WASHC2C: variants seen among roughly 807,000 people sequenced by gnomAD.
The protein encoded by WASHC2C is Vaccinia Penetration Factor.
Under a neutral mutation model 142.2 loss-of-function variants are expected in WASHC2C, and 73 were observed. The ratio of observed to expected loss-of-function variants is 0.51; its 90% CI spans 0.43 to 0.62. The LOEUF (loss-of-function observed/expected upper bound fraction) is 0.62. Among genes scored for constraint, WASHC2C ranks in the 20% least tolerant of loss-of-function variants. The probability of loss-of-function intolerance (pLI) is 0.00; values close to 1 mark genes in which losing one functional copy is unlikely to be tolerated. For synonymous variants in WASHC2C, 337 were observed against 565.5 expected (o/e 0.60, Z 5.73); for missense variants, 969 against 1,531.7 (o/e 0.63, Z 6.13).
At chr10:45,760,960 T>TA (rs2054995919) in intron 17 of WASHC2C, among the ~76,000 whole-genome samples, 2 of 151,838 alleles carry the variant, frequency 1.3e-5, no homozygotes, top group African/African-American at 4.8e-5. Flanking sequence ...TAATTGTTGA[T>TA]TAGACAAGAA....
Position 45,789,405 on chromosome 10 carries a change from C to G in WASHC2C, c.3622C>G (p.Leu1208Val). 1.2e-6 allele frequency: 2 copies of G among 1,612,058 alleles called. No individual in the cohort carries two copies. The highest frequency in any genetic ancestry group is 1.7e-5 in the Admixed American group (1 of 60,028). The change falls in exon 29 of 31, where the codon CTC (leucine) becomes GTC (valine). Residue 1208 changes from leucine (L) to valine (V), a missense_variant. Transcript: ENST00000623400. The part of the protein sequence containing the change: ...PFPLLEDEDD[L>V]FTDQKVKKNE... ...TCCTCTCCTGGAAGATGAGGATGACCTCTTTACAGATCAGAAAGTCAAGAA... is the reference window on the plus strand; with the variant it reads ...TCCTCTCCTGGAAGATGAGGATGACGTCTTTACAGATCAGAAAGTCAAGAA...
At chr10:45,749,880 T>TA (rs2053380673) in intron 8 of WASHC2C, among the ~76,000 whole-genome samples, 1 of 133,928 alleles carries the variant, frequency 7.5e-6, no homozygotes, top group African/African-American at 2.8e-5. Context: ...TATTTATATT[T>TA]TATATATATT....
At chr10:45,740,745 AGCTGCTGTGAGCATTCATG>A (rs1292001870) in intron 5 of WASHC2C, among the ~76,000 whole-genome samples, 5 of 152,248 alleles carry the variant, frequency 3.3e-5, no homozygotes, top group African/African-American at 1.2e-4. Flanking sequence ...ATACAAATGA[AGCTGCTGTGAGCATTCATG>A]TCCAGGCTCC....
intron 5 of WASHC2C, among the ~76,000 whole-genome samples, chr10:45,740,915 C>A (rs1435578585): frequency 2.0e-5 from 3 of 151,228 alleles, no homozygotes; most frequent in Admixed American, 2.0e-4. Context: ...TTGTGACACA[C>A]AAGGCCTTCC....
intron 26 of WASHC2C, among the ~76,000 whole-genome samples, chr10:45,786,186 G>C (rs2058028922): frequency 6.6e-6 from 1 of 152,042 alleles, no homozygotes; most frequent in Admixed American, 6.6e-5. Flanking sequence ...TGAGGCACTT[G>C]GACGAACACA....
In WASHC2C at chr10:45,734,941, A is replaced by G. The variant is rs2051036972; in HGVS notation, c.292-3042A>G. On this transcript the variant is annotated intron_variant, in intron 3 of 30. Transcript: ENST00000623400. ...GGGATTTCATTTTTATCCCTTATAG[A>G]TAACCTTTATTGTGTAGTTGTTCTT... Among the ~76,000 whole-genome samples, 3 of 151,858 alleles carry G rather than the reference A, an allele frequency of 2.0e-5. No individual in the cohort carries two copies. The South Asian group carries it at 6.2e-4, about 32-fold the overall frequency.
chr10:45,744,158 A>G lies in WASHC2C; in HGVS notation c.623-663A>G, dbSNP rs200520475. ...ACTGCAACCTCCACCTCCTGGGTTC[A>G]AGCAATTCTCCTACCTCAGCCTCCT... On this transcript the variant is annotated intron_variant, in intron 6 of 30. Transcript: ENST00000623400. Among the ~76,000 whole-genome samples, 22 of 150,098 alleles carry G rather than the reference A, an allele frequency of 1.5e-4. No homozygotes were observed. The East Asian group carries it at 4.1e-3, about 28-fold the overall frequency.
Position 45,728,848 on chromosome 10 carries a change from A to T in WASHC2C, c.127-14A>T. The T allele has an allele frequency of 6.2e-7, 1 of 1,610,944 alleles. No individual in the cohort carries two copies. The highest frequency in any genetic ancestry group is 2.2e-5 in the East Asian group (1 of 44,824). ...GTAACATTGATACTACTGTATGTTT[A>T]TTTTTTAAAATAGCTACTACAGTTT... On this transcript the variant is annotated splice_polypyrimidine_tract_variant and intron_variant, in intron 2 of 30. Transcript: ENST00000623400.
At chr10:45,755,142 G>C in intron 15 of WASHC2C, 27 bp downstream of exon 15, 2 of 1,580,080 alleles carry the variant, frequency 1.3e-6, no homozygotes, top group Non-Finnish European at 1.7e-6. Context: ...CCGTTTCTAG[G>C]ACTTCAGCCA....
At position 45,788,971 on chromosome 10, in the gene WASHC2C, G is replaced by A; in HGVS notation, c.3188G>A (p.Arg1063Lys). Residue 1063 changes from arginine (R) to lysine (K), a missense_variant, in exon 29 of 31, where the codon AGA becomes AAA. Coordinates refer to ENST00000623400, the MANE Select transcript of WASHC2C (RefSeq NM_001330074.2). ...GAGGCTGAGGACATGAGCGTCCCCA[G>A]AGGACCCATTGCACAGTGGGCTGAT... Reference protein sequence around the residue: ...SSEAEDMSVPRGPIAQWADGA... With the variant: ...SSEAEDMSVPKGPIAQWADGA... The A allele has an allele frequency of 6.2e-7, 1 of 1,612,040 alleles. No individual in the cohort carries two copies. Among genetic ancestry groups the A allele is most frequent in the South Asian group, 1.1e-5 (1 of 90,996 alleles).
Position 45,788,922 on chromosome 10 carries a change from C to T in WASHC2C, c.3139C>T (p.Arg1047Trp), listed in dbSNP as rs1164319771. 8.1e-6 allele frequency: 13 copies of T among 1,611,920 alleles called. No homozygotes were observed. The highest frequency in any genetic ancestry group is 8.0e-5 in the African/African-American group (6 of 74,860). The change falls in exon 29 of 31, where the codon CGG becomes TGG. Residue 1047 changes from arginine to tryptophan, a missense_variant. Coordinates refer to ENST00000623400, the MANE Select transcript of WASHC2C (RefSeq NM_001330074.2). ...KRRPQTRAAR[R>W]LAAQESSEAE... ...TAGACCGCAGACCCGTGCAGCTAGG[C>T]GGCTGGCTGCTCAGGAGTCCAGCGA...
intron 23 of WASHC2C, among the ~76,000 whole-genome samples, chr10:45,784,252 G>GTATGTGTATA (rs2057759098): frequency 2.5e-5 from 1 of 40,736 alleles, no homozygotes; most frequent in Non-Finnish European, 5.0e-5. Flanking sequence ...GTGTGTGTGT[G>GTATGTGTATA]TATATATATA....
chr10:45,766,107 G>A (rs1289529433), intron 19 of WASHC2C, among the ~76,000 whole-genome samples: 50 of 152,202 alleles, frequency 3.3e-4, no homozygotes, highest in Non-Finnish European at 6.5e-4. Context: ...GTTCATGGTC[G>A]AGTCCCTTAG....
chr10:45,729,440 A>G (rs756354963), intron 3 of WASHC2C, among the ~76,000 whole-genome samples: 1 of 152,216 alleles, frequency 6.6e-6, no homozygotes, highest in South Asian at 2.1e-4. Context: ...CAGGGGATAT[A>G]TATGTCTGCT....
chr10:45,777,056 G>A (rs572137737), intron 21 of WASHC2C, among the ~76,000 whole-genome samples: 17,545 of 151,548 alleles, frequency 0.12, 652 homozygotes, highest in Admixed American at 0.19. Flanking sequence ...GACAGATACA[G>A]GTGATATGGT....
intron 13 of WASHC2C, among the ~76,000 whole-genome samples, chr10:45,753,840 CT>C (rs1202326833): frequency 2.3e-5 from 3 of 131,270 alleles, no homozygotes; most frequent in East Asian, 2.2e-4. Flanking sequence ...TTTTTTTTTT[CT>C]TTTTTTTTAA....
At position 45,752,681 on chromosome 10, in the gene WASHC2C, G is replaced by T. The variant is rs1554875359; in HGVS notation, c.1097G>T (p.Gly366Val). The T allele has an allele frequency of 4.3e-6, 7 of 1,610,220 alleles. No individual in the cohort carries two copies. The highest frequency in any genetic ancestry group is 5.1e-6 in the Non-Finnish European group (6 of 1,179,342). ...SGGGLFSGGK[G>V]LFDDEDEESD... ...GGTGGCCTGTTCAGTGGCGGCAAGG[G>T]GCTATTTGATGATGAGGACGAGGAG... Residue 366 changes from glycine (G) to valine (V), a missense_variant, in exon 12 of 31, where the codon GGG becomes GTG. Gly to Val is a moderately radical substitution (Grantham distance 109). Transcript: ENST00000623400.
chr10:45,742,495 C>T (rs1209072740), intron 5 of WASHC2C, among the ~76,000 whole-genome samples: 5 of 151,826 alleles, frequency 3.3e-5, no homozygotes, highest in Admixed American at 6.6e-5. Flanking sequence ...TTAGTATTTT[C>T]GGTAGATATT....
At chr10:45,729,530 CTATG>C (rs1469523782) in intron 3 of WASHC2C, among the ~76,000 whole-genome samples, 7 of 152,028 alleles carry the variant, frequency 4.6e-5, no homozygotes, top group Non-Finnish European at 1.0e-4. Context: ...GAGCTTAAAT[CTATG>C]TGTGATTTCT....
Sources: allele counts gnomAD v4.1 joint callset (sites outside exome capture counted in the v4.1 genomes callset), GRCh38; gene constraint gnomAD v4.1.1; transcripts MANE v1.5; gene names NCBI Gene and HGNC (gene_info 2026-07-23, HGNC 2026-07-21).